The following SLC16A7 variants were observed in gnomAD, a reference collection of about 807,000 sequenced individuals.
SLC16A7 encodes monocarboxylate transporter 2.
A neutral mutation model predicts 34.9 loss-of-function variants in SLC16A7; 33 were observed. That is an observed-to-expected ratio of 0.94 (90% CI 0.72 to 1.26). The LOEUF (loss-of-function observed/expected upper bound fraction) is 1.26. Ranked by LOEUF, SLC16A7 falls within the 50% of genes most tolerant of loss-of-function variation. The pLI is 0.00. For missense variants in SLC16A7, 573 were observed against 578.1 expected, an observed-to-expected ratio of 0.99 and a Z score of 0.09; for synonymous variants, 201 against 206.6, an observed-to-expected ratio of 0.97 and a Z score of 0.23.
rs561337574 is a variant in SLC16A7 at position 59,683,383 on chromosome 12, G to A, written c.-30-21389G>A. The stretch of plus-strand genomic sequence containing the variant: ...TGTGTTGGAGAGAGGCCAGAAGATG[G>A]GAGGCAAGGTTGGGAAACTGAAAGT... On this transcript the variant is annotated intron_variant, in intron 2 of 5. Transcript: ENST00000547379. Among the ~76,000 whole-genome samples the A allele has an allele frequency of 1.0e-3, 154 of 152,260 alleles. 2 individuals are homozygous for A. Among genetic ancestry groups the A allele is most frequent in the Non-Finnish European group, 1.9e-3 (128 of 68,016 alleles).
chr12:59,606,247 G>C (rs1251528920), intron 1 of SLC16A7, among the ~76,000 whole-genome samples: 4 of 152,128 alleles, frequency 2.6e-5, no homozygotes, highest in South Asian at 2.1e-4. Flanking sequence ...TGCTGATATT[G>C]ATGCTGCAAA....
intron 3 of SLC16A7, among the ~76,000 whole-genome samples, chr12:59,758,239 T>A (rs1445244419): frequency 6.6e-6 from 1 of 152,120 alleles, no homozygotes; most frequent in Non-Finnish European, 1.5e-5. Flanking sequence ...AGATCTCATG[T>A]TAAGTGTTCT....
At position 59,765,558 on chromosome 12, in the gene SLC16A7, C is replaced by G. The variant is rs555123167; in HGVS notation, c.218-5661C>G. 4.2e-3 allele frequency among the ~76,000 whole-genome samples: 635 copies of G among 152,252 alleles called. 16 individuals carry two copies. Among genetic ancestry groups the G allele is most frequent in the Non-Finnish European group, 1.8e-3 (120 of 68,008 alleles). On this transcript the variant is annotated intron_variant, in intron 3 of 5. Transcript: ENST00000547379. ...TTTCAGCTTTCTACATATGGCTAGC[C>G]AGTTTTCCCAGCACCATTTATTAAA...
chr12:59,728,879 A>G lies in SLC16A7; in HGVS notation c.217+23861A>G, dbSNP rs529273651. On this transcript the variant is annotated intron_variant, in intron 3 of 5. Transcript: ENST00000547379. ...ACTTTTTTTCCTAGTAGAGGAAAAT[A>G]GGAACCTAGAAATTCTGAAAGTTTA... Among the ~76,000 whole-genome samples, 3 of 152,356 alleles carry G rather than the reference A, an allele frequency of 2.0e-5. No individual in the cohort carries two copies. In the South Asian group the frequency reaches 6.2e-4, roughly 32 times the overall value.
intron 3 of SLC16A7, among the ~76,000 whole-genome samples, chr12:59,732,377 G>A (rs1051639284): frequency 6.6e-6 from 1 of 152,092 alleles, no homozygotes; most frequent in South Asian, 2.1e-4. Flanking sequence ...CCGAGATCGC[G>A]CCACTGCACT....
intron 2 of SLC16A7, among the ~76,000 whole-genome samples, chr12:59,681,923 A>T (rs1353727162): frequency 6.6e-6 from 1 of 151,864 alleles, no homozygotes; most frequent in African/African-American, 2.4e-5. Flanking sequence ...GCTTAGAGCC[A>T]ATTAGAGTCC....
At chr12:59,712,050 A>C (rs1874282904) in intron 3 of SLC16A7, among the ~76,000 whole-genome samples, 1 of 152,230 alleles carries the variant, frequency 6.6e-6, no homozygotes, top group Non-Finnish European at 1.5e-5. Flanking sequence ...TCACACAAGA[A>C]TATATACATT....
intron 1 of SLC16A7, among the ~76,000 whole-genome samples, chr12:59,616,384 A>T (rs1879450225): frequency 6.6e-6 from 1 of 152,182 alleles, no homozygotes; most frequent in Non-Finnish European, 1.5e-5. Context: ...TTGTCATGCA[A>T]TATTCTGGGT....
chr12:59,640,910 G>A lies in SLC16A7; in HGVS notation c.-129-14242G>A, dbSNP rs145667474. The stretch of plus-strand genomic sequence containing the variant: ...TAGGTTTTTTAAAGAGGAACTGCAT[G>A]TATGAAAAAATGACTTATGTGGTCA... On this transcript the variant is annotated intron_variant, in intron 1 of 5. Coordinates refer to ENST00000547379, the MANE Select transcript of SLC16A7 (RefSeq NM_001270623.2). Among the ~76,000 whole-genome samples the A allele has an allele frequency of 3.8e-3, 571 of 152,068 alleles. 7 individuals carry two copies. The highest frequency in any genetic ancestry group is 0.017 in the Middle Eastern group (5 of 294).
intron 1 of SLC16A7, among the ~76,000 whole-genome samples, chr12:59,650,441 A>G (rs971207655): frequency 6.6e-6 from 1 of 152,134 alleles, no homozygotes; most frequent in African/African-American, 2.4e-5. Context: ...GCAAGATCAA[A>G]GTTGGAATAT....
intron 3 of SLC16A7, among the ~76,000 whole-genome samples, chr12:59,756,529 G>C (rs1466791691): frequency 1.3e-5 from 2 of 152,102 alleles, no homozygotes; most frequent in African/African-American, 2.4e-5. Flanking sequence ...CTGGTCATCA[G>C]AGAAATGCAA....
chr12:59,711,262 A>G (rs1874194221), intron 3 of SLC16A7, among the ~76,000 whole-genome samples: 1 of 152,184 alleles, frequency 6.6e-6, no homozygotes, highest in South Asian at 2.1e-4. Flanking sequence ...TGAAGAGACA[A>G]AGTATTAACA....
chr12:59,649,688 C>T lies in SLC16A7; in HGVS notation c.-129-5464C>T, dbSNP rs373959288. ...TCTAGGCCAGACAAGGTGGCTCACACCTGTAATACCAGCACTTGGGGATGC... is the reference window on the plus strand; with the variant it reads ...TCTAGGCCAGACAAGGTGGCTCACATCTGTAATACCAGCACTTGGGGATGC... On this transcript the variant is annotated intron_variant, in intron 1 of 5. Coordinates refer to ENST00000547379, the MANE Select transcript of SLC16A7 (RefSeq NM_001270623.2). Among the ~76,000 whole-genome samples the T allele has an allele frequency of 4.6e-4, 70 of 152,274 alleles. 6 individuals carry two copies. In the South Asian group the frequency reaches 7.1e-3, roughly 15 times the overall value.
intron 1 of SLC16A7, among the ~76,000 whole-genome samples, chr12:59,601,244 ATT>A (rs1293764165): frequency 1.3e-5 from 2 of 152,196 alleles, no homozygotes; most frequent in African/African-American, 4.8e-5. Context: ...TCAGATTTCT[ATT>A]GAAGCTAATA....
intron 2 of SLC16A7, among the ~76,000 whole-genome samples, chr12:59,671,863 GTATATATGTGTATATA>G (rs1869765417): frequency 2.4e-5 from 3 of 126,576 alleles, no homozygotes; most frequent in East Asian, 4.3e-4. Context: ...ATGTGTATAT[GTATATATGTGTATATA>G]TGTATATATG....
chr12:59,699,695 A>G (rs370578406), intron 2 of SLC16A7, among the ~76,000 whole-genome samples: 4 of 151,776 alleles, frequency 2.6e-5, no homozygotes, highest in African/African-American at 9.7e-5. Flanking sequence ...CAGAAATGAC[A>G]TATGGTCAAT....
intron 2 of SLC16A7, among the ~76,000 whole-genome samples, chr12:59,681,333 C>T (rs2137073506): frequency 6.6e-6 from 1 of 152,254 alleles, no homozygotes; most frequent in African/African-American, 2.4e-5. Flanking sequence ...CTGTCTTTAG[C>T]CACATTGCAA....
At chr12:59,675,123 A>G (rs1184533857) in intron 2 of SLC16A7, among the ~76,000 whole-genome samples, 2 of 152,232 alleles carry the variant, frequency 1.3e-5, no homozygotes, top group Non-Finnish European at 2.9e-5. Flanking sequence ...GGGTCCCAAG[A>G]CATCCTTAAG....
intron 1 of SLC16A7, among the ~76,000 whole-genome samples, chr12:59,631,661 A>G (rs1880188533): frequency 6.6e-6 from 1 of 151,934 alleles, no homozygotes; most frequent in African/African-American, 2.4e-5. Flanking sequence ...TCCAGCATGT[A>G]TTGGATATTT....
Sources: allele counts gnomAD v4.1 joint callset (sites outside exome capture counted in the v4.1 genomes callset), GRCh38; gene constraint gnomAD v4.1.1; transcripts MANE v1.5; gene names NCBI Gene and HGNC (gene_info 2026-07-23, HGNC 2026-07-21).